Variants in DUSP15 observed in about 807,000 individuals in gnomAD.
DUSP15 encodes the protein dual specificity phosphatase 15, also known as dual specificity protein phosphatase 15.
DUSP15 carries 23 observed loss-of-function variants against 26.3 expected under a neutral mutation model. That is an observed-to-expected ratio of 0.87 (90% CI 0.63 to 1.24). The LOEUF (loss-of-function observed/expected upper bound fraction) is 1.24, where lower values mean the gene tolerates loss of function less well. DUSP15 is among the 50% of genes most tolerant of loss of function. The pLI, the probability that DUSP15 is intolerant of heterozygous loss-of-function variation, is 0.00. For synonymous variants in DUSP15, 143 were observed against 135.5 expected (o/e 1.06, Z -0.39); for missense variants, 364 against 320.6 (o/e 1.14, Z -1.03).
chr20:31,867,324 G>A (rs1199705201), intron 2 of DUSP15, among the ~76,000 whole-genome samples, 171 bp from the exon 3 acceptor site: 2 of 152,208 alleles, frequency 1.3e-5, no homozygotes, highest in Non-Finnish European at 2.9e-5. Context: ...GCAAGTAACA[G>A]TACAGCATAT....
At chr20:31,860,375 G>GT (rs1425324389), downstream of DUSP15, among the ~76,000 whole-genome samples, 1 of 152,206 alleles carries the variant, frequency 6.6e-6, no homozygotes, top group Non-Finnish European at 1.5e-5. Flanking sequence ...GTTAACTTTA[G>GT]TTTTGGAAGT....
chr20:31,854,796 A>T (rs1010847516), intron 6 of DUSP15, among the ~76,000 whole-genome samples: 2 of 152,128 alleles, frequency 1.3e-5, no homozygotes, highest in African/African-American at 4.8e-5. Context: ...GAGGGAGTTT[A>T]GTTATGTTCT....
At chr20:31,856,919 G>A (rs6061000), downstream of DUSP15, among the ~76,000 whole-genome samples, 131,249 of 151,882 alleles carry the variant, frequency 0.86, 56,822 homozygotes, top group East Asian at 1. Context: ...CTGGAAGCCA[G>A]ATGGGAGTGT....
chr20:31,854,620 G>A (rs1167284888), intron 6 of DUSP15, among the ~76,000 whole-genome samples: 2 of 152,150 alleles, frequency 1.3e-5, no homozygotes, highest in African/African-American at 4.8e-5. Context: ...GGCCTTGAAG[G>A]GTCAGTAGGA....
At position 31,870,090 on chromosome 20, in the gene DUSP15, A is replaced by G; in HGVS notation, c.21+227T>C. ...GTGACAGCCACAGCAAGACAGCGAG[A>G]GACACACAGAGTCACGGAGAGAGGG... On this transcript the variant is annotated intron_variant, in intron 1 of 6. Transcript: ENST00000339738. The surrounding 1 kb of genome is among the most constrained non-coding windows in gnomAD (Gnocchi z 6.6). 1.6e-6 allele frequency: 2 copies of G among 1,255,542 alleles called. No individual in the cohort carries two copies. The highest frequency in any genetic ancestry group is 2.0e-6 in the Non-Finnish European group (2 of 1,000,582). 77.8% of individuals were successfully genotyped at this position (1,255,542 alleles called of 1,614,324 possible).
intron 9 of DUSP15, chr20:31,848,622 C>T: frequency 2.7e-6 from 4 of 1,495,228 alleles, no homozygotes; most frequent in Non-Finnish European, 3.6e-6. Flanking sequence ...CTCGGATGTT[C>T]CCATGGGAAG....
At chr20:31,850,098 A>G (rs1400135339) in intron 7 of DUSP15, among the ~76,000 whole-genome samples, 1 of 152,236 alleles carries the variant, frequency 6.6e-6, no homozygotes, top group Non-Finnish European at 1.5e-5. Flanking sequence ...TCTGCGGTTA[A>G]AAGCTGGGGC....
chr20:31,870,369 C>A lies in DUSP15; in HGVS notation c.-32G>T. The A allele has an allele frequency of 7.8e-7, 1 of 1,280,408 alleles. No individual in the cohort carries two copies. The highest frequency in any genetic ancestry group is 1.5e-5 in the African/African-American group (1 of 65,802). 79.3% of individuals were successfully genotyped at this position (1,280,408 alleles called of 1,614,324 possible). Reference sequence around the variant, plus strand: ...GGGGGCGGCGGTCCGGGTGCACCCCCAGCTCGCCGCCCGGGAAGCGATCCG... The same window carrying A: ...GGGGGCGGCGGTCCGGGTGCACCCCAAGCTCGCCGCCCGGGAAGCGATCCG... On this transcript the variant is annotated 5_prime_UTR_variant, in exon 1 of 7. Transcript: ENST00000339738. This position sits in a 1 kb window ranked among gnomAD's most constrained non-coding sequence, Gnocchi z 6.6.
chr20:31,863,832 A>C, intron 5 of DUSP15, 75 bp downstream of exon 5: 1 of 1,437,762 alleles, frequency 7.0e-7, no homozygotes, highest in Non-Finnish European at 9.8e-7. Context: ...ACCTTCCCAC[A>C]GGGGGAGTGT....
At chr20:31,849,136 C>T (rs2062418931) in intron 8 of DUSP15, among the ~76,000 whole-genome samples, 1 of 151,310 alleles carries the variant, frequency 6.6e-6, no homozygotes, top group South Asian at 2.1e-4. Context: ...ATGCCCACCC[C>T]ATGCCTTTAT....
At chr20:31,857,565 T>G (rs1475872858), downstream of DUSP15, among the ~76,000 whole-genome samples, 1 of 152,190 alleles carries the variant, frequency 6.6e-6, no homozygotes, top group Non-Finnish European at 1.5e-5. Flanking sequence ...CTCCTGGGCC[T>G]CATCTGCCTC....
intron 6 of DUSP15, 85 bp from the exon 7 acceptor site, chr20:31,861,760 C>T (rs1222851679): frequency 8.8e-6 from 10 of 1,132,256 alleles, no homozygotes; most frequent in Non-Finnish European, 1.0e-5. Context: ...CCCTCCCGAC[C>T]TTCGCCCTTC....
intron 6 of DUSP15, among the ~76,000 whole-genome samples, chr20:31,852,006 TTC>T (rs2062477625): frequency 8.2e-6 from 1 of 121,984 alleles, no homozygotes; most frequent in Non-Finnish European, 1.7e-5. Flanking sequence ...TTTTCTTTCT[TTC>T]TTTTTTTTTT....
chr20:31,846,735 G>C (rs2062382296), downstream of DUSP15, among the ~76,000 whole-genome samples: 1 of 152,166 alleles, frequency 6.6e-6, no homozygotes. Flanking sequence ...TCGCCCCCTA[G>C]TGACTGGTGT....
At chr20:31,867,776 C>A (rs1399906455) in intron 2 of DUSP15, among the ~76,000 whole-genome samples, 1 of 151,620 alleles carries the variant, frequency 6.6e-6, no homozygotes, top group Non-Finnish European at 1.5e-5. Flanking sequence ...TCCGGAGTAG[C>A]TGGGACTACA....
In DUSP15 at chr20:31,854,116, A is replaced by G. The variant is rs1323492111; in HGVS notation, c.427-3440T>C. Among the ~76,000 whole-genome samples the G allele has an allele frequency of 2.6e-5, 4 of 152,110 alleles. No homozygotes were observed. In the East Asian group the frequency reaches 5.8e-4, roughly 22 times the overall value. On this transcript the variant is annotated intron_variant, in intron 6 of 9. Transcript: ENST00000278979. The stretch of plus-strand genomic sequence containing the variant: ...AGGCCATCAGGAGATGTATTGCTAC[A>G]TTTCTCTCGTTCAGCACTGAGGGGG...
chr20:31,865,117 C>T, intron 3 of DUSP15, 115 bp from the exon 4 acceptor site: 3 of 1,103,484 alleles, frequency 2.7e-6, no homozygotes, highest in Non-Finnish European at 4.1e-6. Context: ...TTCTCTGGCC[C>T]ACTGTGGTCC....
Position 31,849,775 on chromosome 20 carries a change from GGCGGCCGCCC to G in DUSP15, c.581_590del (p.Arg194ProfsTer60), listed in dbSNP as rs1385454510. On this transcript the variant is annotated frameshift_variant, in exon 8 of 10. Transcript: ENST00000278979. LOFTEE classifies it high-confidence loss of function. ...GAGGTGGCGGCCCCAGCAGGCGCTC[GGCGGCCGCCC>G]GCGGACTCAGACGACAGCGCTGGGC... 2.6e-6 allele frequency: 4 copies of G among 1,539,786 alleles called. No homozygotes were observed. Among genetic ancestry groups the G allele is most frequent in the African/African-American group, 1.4e-5 (1 of 73,008 alleles).
chr20:31,845,640 C>G, downstream of DUSP15: 2 of 1,434,020 alleles, frequency 1.4e-6, no homozygotes, highest in Non-Finnish European at 9.4e-7. Context: ...AAAAGGTCCA[C>G]TGGCCCAGCC....
Sources: gnomAD v4.1 joint callset for allele counts (sites outside exome capture counted in the v4.1 genomes callset) on GRCh38, gnomAD v4.1.1 for gene constraint, Gnocchi (gnomAD v3.1) non-coding constraint, MANE v1.5 for transcripts, NCBI Gene and HGNC (gene_info 2026-07-23, HGNC 2026-07-21) for gene names.